The following ABHD12B variants were observed in gnomAD, a reference collection of about 807,000 sequenced individuals.
ABHD12B encodes the protein abhydrolase domain containing 12B, also known as protein ABHD12B.
In ABHD12B, 42 loss-of-function variants were observed where a neutral mutation model predicts 50.4. The observed-to-expected ratio is 0.83, with a 90% CI of 0.65 to 1.08. The LOEUF (loss-of-function observed/expected upper bound fraction) is 1.08. Among genes scored for constraint, ABHD12B ranks in the 50% least tolerant of loss-of-function variants. The pLI is 0.00. For synonymous variants in ABHD12B, 167 were observed against 160.3 expected (o/e 1.04, Z -0.32); for missense variants, 479 against 447.7 (o/e 1.07, Z -0.63).
intron 9 of ABHD12B, among the ~76,000 whole-genome samples, chr14:50,900,705 G>C (rs1387001512): frequency 4.6e-5 from 7 of 152,186 alleles, no homozygotes; most frequent in Admixed American, 6.5e-5. Context: ...AAAGGCAAGC[G>C]CCTTGAGGTG....
intron 2 of ABHD12B, among the ~76,000 whole-genome samples, chr14:50,878,288 G>T (rs1255971032): frequency 6.6e-6 from 1 of 152,208 alleles, no homozygotes; most frequent in Non-Finnish European, 1.5e-5. Flanking sequence ...ATGGCCTTGT[G>T]GGTGGGGGTT....
At chr14:50,903,719 G>C (rs1324876001) in intron 11 of ABHD12B, among the ~76,000 whole-genome samples, 1 of 152,194 alleles carries the variant, frequency 6.6e-6, no homozygotes, top group Non-Finnish European at 1.5e-5. Flanking sequence ...GGGTATCCCA[G>C]GCTGCTGTGG....
chr14:50,886,398 C>T (rs1370087558), intron 7 of ABHD12B, among the ~76,000 whole-genome samples: 2 of 149,418 alleles, frequency 1.3e-5, no homozygotes, highest in Non-Finnish European at 3.0e-5. Flanking sequence ...CGAGATTGTA[C>T]CACTGCACTC....
Position 50,885,784 on chromosome 14 carries a change from G to A in ABHD12B, c.551G>A (p.Gly184Asp). ...VDYRGFGDST[G>D]KPTEEGLTTD... is the part of the protein sequence containing the mutation. ...CTGCCAGGATTTGGGGACTCTACAGGTAAGCCCACAGAGGAGGGACTGACT... is the reference window on the plus strand; with the variant it reads ...CTGCCAGGATTTGGGGACTCTACAGATAAGCCCACAGAGGAGGGACTGACT... The change falls in exon 7 of 13, where the codon GGT becomes GAT. Residue 184 changes from glycine (G) to aspartate (D), a missense_variant. Physicochemically the swap from Gly to Asp is moderately conservative, Grantham distance 94. Transcript: ENST00000337334. 1 of 1,614,164 alleles carries A rather than the reference G, an allele frequency of 6.2e-7. No individual in the cohort carries two copies.
intron 9 of ABHD12B, chr14:50,892,403 G>A: frequency 2.0e-6 from 2 of 985,356 alleles, no homozygotes; most frequent in Non-Finnish European, 2.4e-6. Context: ...TCTAGCTTTG[G>A]CCTGATTCAG....
intron 7 of ABHD12B, 48 bp downstream of exon 7, chr14:50,885,943 A>C: frequency 6.2e-7 from 1 of 1,609,040 alleles, no homozygotes; most frequent in Non-Finnish European, 8.5e-7. Flanking sequence ...TTGAGGCTTT[A>C]GTGTCCTATC....
At chr14:50,880,423 C>T in intron 3 of ABHD12B, 29 bp from the exon 4 acceptor site, 1 of 1,565,576 alleles carries the variant, frequency 6.4e-7, no homozygotes, top group South Asian at 1.2e-5. Context: ...CCTCTTTCTA[C>T]ATTTGTTTAA....
intron 1 of ABHD12B, among the ~76,000 whole-genome samples, chr14:50,874,719 T>C (rs2049836778): frequency 2.0e-5 from 3 of 152,352 alleles, no homozygotes; most frequent in South Asian, 2.1e-4. Flanking sequence ...ATTACAATCC[T>C]AGATAGTGCT....
chr14:50,889,735 C>T (rs1389275693), intron 9 of ABHD12B, among the ~76,000 whole-genome samples: 2 of 152,142 alleles, frequency 1.3e-5, no homozygotes, highest in African/African-American at 2.4e-5. Flanking sequence ...TACGTGTAAA[C>T]GTTAGCAAAT....
intron 5 of ABHD12B, among the ~76,000 whole-genome samples, chr14:50,885,238 TCC>T (rs2050019992): frequency 6.6e-6 from 1 of 152,256 alleles, no homozygotes; most frequent in Admixed American, 6.5e-5. Flanking sequence ...AATACATCTT[TCC>T]CCACCTGTTA....
intron 9 of ABHD12B, among the ~76,000 whole-genome samples, chr14:50,900,362 C>G (rs2050248966): frequency 6.6e-6 from 1 of 152,152 alleles, no homozygotes; most frequent in Admixed American, 6.5e-5. Flanking sequence ...TTGTCTTTAG[C>G]AAATATTTAT....
At chr14:50,890,070 A>C (rs189935946) in intron 9 of ABHD12B, among the ~76,000 whole-genome samples, 1 of 152,354 alleles carries the variant, frequency 6.6e-6, no homozygotes, top group Non-Finnish European at 1.5e-5. Flanking sequence ...AAAATACTGA[A>C]TGCTGAGTAA....
intron 4 of ABHD12B, among the ~76,000 whole-genome samples, chr14:50,881,058 C>G (rs2049936333): frequency 6.6e-6 from 1 of 152,216 alleles, no homozygotes; most frequent in Admixed American, 6.5e-5. Context: ...TGGGGACCGT[C>G]TGACTAATTC....
Position 50,872,130 on chromosome 14 carries a change from C to T in ABHD12B, c.-45C>T. 1 of 1,237,778 alleles carries T rather than the reference C, an allele frequency of 8.1e-7. No homozygotes were observed. The allele number at this position is 1,237,778 out of a possible 1,614,324, so 76.7% of individuals were successfully genotyped here. A position where few individuals can be genotyped will look rare whatever the true frequency, so the allele number is the denominator to read the frequency against. On this transcript the variant is annotated 5_prime_UTR_variant, in exon 1 of 13. Coordinates refer to ENST00000337334, the MANE Select transcript of ABHD12B (RefSeq NM_001206673.2). Reference sequence around the variant, plus strand: ...GAAGGTCGCGGGCGGCTGCTCCGGACTGCAGCTCCCGCGGCGGTGGCGGCG... The same window carrying T: ...GAAGGTCGCGGGCGGCTGCTCCGGATTGCAGCTCCCGCGGCGGTGGCGGCG...
rs1178230294 is a variant in ABHD12B, at chr14:50,878,098, T to C, written c.232+19T>C. On this transcript the variant is annotated intron_variant, in intron 2 of 12. Coordinates refer to ENST00000337334, the MANE Select transcript of ABHD12B (RefSeq NM_001206673.2). Reference sequence around the variant, plus strand: ...AATTTTTGTAAGTATGGACCTTCCATAAATTTTCCTATATAATTTTTCCCA... The same window carrying C: ...AATTTTTGTAAGTATGGACCTTCCACAAATTTTCCTATATAATTTTTCCCA... The C allele has an allele frequency of 2.0e-6, 3 of 1,499,174 alleles. No homozygotes were observed. Among genetic ancestry groups the C allele is most frequent in the Admixed American group, 4.6e-5 (2 of 43,548 alleles). 92.9% of individuals were successfully genotyped at this position (1,499,174 alleles called of 1,614,324 possible).
intron 9 of ABHD12B, among the ~76,000 whole-genome samples, chr14:50,901,615 C>G (rs769377063): frequency 6.6e-6 from 1 of 152,158 alleles, no homozygotes. Flanking sequence ...TCTATGATGG[C>G]AGAATTATGT....
intron 3 of ABHD12B, 116 bp downstream of exon 3, chr14:50,878,963 T>C: frequency 2.5e-6 from 2 of 784,934 alleles, no homozygotes; most frequent in East Asian, 2.5e-5. Flanking sequence ...TGGAGGTACC[T>C]GGAGGCTGTT....
At chr14:50,896,729 A>G (rs1439365883) in intron 9 of ABHD12B, among the ~76,000 whole-genome samples, 2 of 149,308 alleles carry the variant, frequency 1.3e-5, no homozygotes, top group Non-Finnish European at 3.0e-5. Context: ...GTAATTTTCC[A>G]TTACCTTCCC....
chr14:50,897,773 G>C lies in ABHD12B; in HGVS notation c.781-4056G>C, dbSNP rs78965945. Among the ~76,000 whole-genome samples, 1,151 of 152,336 alleles carry C rather than the reference G, an allele frequency of 7.6e-3. 16 individuals are homozygous for C. Among genetic ancestry groups the C allele is most frequent in the African/African-American group, 0.027 (1,118 of 41,568 alleles). On this transcript the variant is annotated intron_variant, in intron 9 of 12. Transcript: ENST00000337334. ...ATTTTTTTACCAAGGGGTTGGCGAA[G>C]ACCACTGCACAGGGTTGTTGTGAAG...
Sources: allele counts gnomAD v4.1 joint callset (sites outside exome capture counted in the v4.1 genomes callset), GRCh38; gene constraint gnomAD v4.1.1; transcripts MANE v1.5; gene names NCBI Gene and HGNC (gene_info 2026-07-23, HGNC 2026-07-21).